The following BCL2 variants were observed in gnomAD, a reference collection of about 807,000 sequenced individuals.
BCL2 encodes BCL2 apoptosis regulator.
Under a neutral mutation model 14.2 loss-of-function variants are expected in BCL2, and 1 was observed. The ratio of observed to expected loss-of-function variants is 0.07; its 90% CI spans 0.02 to 0.33. BCL2 has a LOEUF of 0.33. BCL2 is among the 10% of genes least tolerant of loss of function. The pLI is 0.99. For missense variants in BCL2, 247 were observed against 305.9 expected (o/e 0.81, Z 1.44); for synonymous variants, 151 against 137.2 (o/e 1.10, Z -0.70).
Position 63,149,046 on chromosome 18 carries a change from C to T in BCL2, c.586-20287G>A, listed in dbSNP as rs1405317769. On this transcript the variant is annotated intron_variant, in intron 2 of 2. Transcript: ENST00000333681. The surrounding 1 kb of genome is among the most constrained non-coding windows in gnomAD (Gnocchi z 4.2). ...ACGGGCCTGCCCAGAGCCACGAAGTCATAAGTGTGCATGGAGCAGCGACGT... is the reference window on the plus strand; with the variant it reads ...ACGGGCCTGCCCAGAGCCACGAAGTTATAAGTGTGCATGGAGCAGCGACGT... Among the ~76,000 whole-genome samples the T allele has an allele frequency of 6.6e-6, 1 of 152,190 alleles. No homozygotes were observed. The highest frequency in any genetic ancestry group is 1.5e-5 in the Non-Finnish European group (1 of 68,038).
chr18:63,129,805 C>A (rs566449459), intron 2 of BCL2, among the ~76,000 whole-genome samples: 5 of 152,126 alleles, frequency 3.3e-5, no homozygotes, highest in Non-Finnish European at 5.9e-5. Context: ...GGGCCAAGGG[C>A]GGCCTTGACT....
intron 2 of BCL2, among the ~76,000 whole-genome samples, chr18:63,182,347 G>A (rs1016664069): frequency 4.6e-5 from 7 of 152,180 alleles, no homozygotes; most frequent in Admixed American, 3.3e-4. Context: ...ACCAGCCCAC[G>A]GTTTGAAACA....
intron 2 of BCL2, among the ~76,000 whole-genome samples, chr18:63,304,076 C>G (rs1265071439): frequency 6.6e-6 from 1 of 152,094 alleles, no homozygotes; most frequent in African/African-American, 2.4e-5. Flanking sequence ...TCTCAAAGAC[C>G]AAGGAAGAAG....
intron 2 of BCL2, among the ~76,000 whole-genome samples, chr18:63,223,067 T>C (rs1183546757): frequency 6.6e-6 from 1 of 152,182 alleles, no homozygotes; most frequent in Non-Finnish European, 1.5e-5. Context: ...ATAGCACCGG[T>C]GACCTCTGGA....
intron 2 of BCL2, among the ~76,000 whole-genome samples, chr18:63,163,544 C>G (rs1039138767): frequency 3.9e-5 from 6 of 152,068 alleles, no homozygotes; most frequent in Admixed American, 6.6e-5. Context: ...TCTTACTAAA[C>G]TTTTGGCCAG....
At chr18:63,201,524 A>T (rs1295945385) in intron 2 of BCL2, among the ~76,000 whole-genome samples, 1 of 152,214 alleles carries the variant, frequency 6.6e-6, no homozygotes, top group Non-Finnish European at 1.5e-5. Flanking sequence ...GGATTTATGC[A>T]CATGTATGTT....
At chr18:63,169,381 T>TTCTTTCTTTCTC (rs1915162176) in intron 2 of BCL2, among the ~76,000 whole-genome samples, 1 of 118,846 alleles carries the variant, frequency 8.4e-6, no homozygotes, top group Non-Finnish European at 1.6e-5. Context: ...CTTTCTTTCT[T>TTCTTTCTTTCTC]TCTTTCTTTT....
intron 2 of BCL2, among the ~76,000 whole-genome samples, chr18:63,172,871 A>G (rs921931372): frequency 1.3e-5 from 2 of 152,248 alleles, no homozygotes; most frequent in African/African-American, 4.8e-5. Context: ...GAGATCATGA[A>G]GGCAGAAAAG....
At chr18:63,273,287 G>A (rs1438968930) in intron 2 of BCL2, among the ~76,000 whole-genome samples, 1 of 152,146 alleles carries the variant, frequency 6.6e-6, no homozygotes, top group Non-Finnish European at 1.5e-5. Context: ...ATCAGAGCTG[G>A]GGCTTTGCCT....
chr18:63,211,779 A>G (rs894407825), intron 2 of BCL2, among the ~76,000 whole-genome samples: 6 of 152,268 alleles, frequency 3.9e-5, no homozygotes, highest in Admixed American at 6.5e-5. Flanking sequence ...CACCACAGCT[A>G]ACGCCAGTGC....
At chr18:63,255,721 C>G (rs559398701) in intron 2 of BCL2, among the ~76,000 whole-genome samples, 13 of 152,214 alleles carry the variant, frequency 8.5e-5, no homozygotes, top group Admixed American at 2.6e-4. Flanking sequence ...CTAAATGCCT[C>G]TCAGGGATGT....
intron 2 of BCL2, among the ~76,000 whole-genome samples, chr18:63,209,015 G>A (rs553992927): frequency 6.6e-6 from 1 of 152,348 alleles, no homozygotes; most frequent in Non-Finnish European, 1.5e-5. Context: ...TCAGCTCAGA[G>A]CCAGTCACCA....
chr18:63,245,395 T>TG (rs1187622697), intron 2 of BCL2, among the ~76,000 whole-genome samples: 1 of 55,512 alleles, frequency 1.8e-5, no homozygotes, highest in Non-Finnish European at 8.0e-5. Flanking sequence ...TGCCAATACA[T>TG]TTCAACCAAT....
chr18:63,292,121 C>T (rs1259835727), intron 2 of BCL2, among the ~76,000 whole-genome samples: 1 of 150,386 alleles, frequency 6.6e-6, no homozygotes, highest in Non-Finnish European at 1.5e-5. Context: ...GATAGGTTTG[C>T]ATGTTTCTAA....
At chr18:63,241,509 G>C (rs1181193522) in intron 2 of BCL2, among the ~76,000 whole-genome samples, 7 of 152,194 alleles carry the variant, frequency 4.6e-5, no homozygotes, top group Admixed American at 4.6e-4. Flanking sequence ...CAGAGTTACT[G>C]AGTGAAAGGT....
chr18:63,168,096 G>A (rs981974598), intron 2 of BCL2, among the ~76,000 whole-genome samples: 1 of 152,178 alleles, frequency 6.6e-6, no homozygotes. Flanking sequence ...GTTGCCATCT[G>A]GCTGGAATGG....
intron 2 of BCL2, among the ~76,000 whole-genome samples, chr18:63,192,587 T>C (rs1909318912): frequency 6.6e-6 from 1 of 152,162 alleles, no homozygotes; most frequent in African/African-American, 2.4e-5. Flanking sequence ...GTCTATCCCT[T>C]GGTGCCCCTC....
At chr18:63,317,529 C>G in intron 2 of BCL2, 1 of 983,198 alleles carries the variant, frequency 1.0e-6, no homozygotes, top group Non-Finnish European at 1.2e-6. Flanking sequence ...AAAAGACTTA[C>G]ATTGGTTTTC....
intron 2 of BCL2, among the ~76,000 whole-genome samples, chr18:63,266,977 A>C (rs1277567098): frequency 6.6e-6 from 1 of 152,222 alleles, no homozygotes; most frequent in African/African-American, 2.4e-5. Flanking sequence ...CAGATTAGAA[A>C]GCTCAGTAGG....
Sources: gnomAD v4.1 joint callset for allele counts (sites outside exome capture counted in the v4.1 genomes callset) on GRCh38, gnomAD v4.1.1 for gene constraint, Gnocchi (gnomAD v3.1) non-coding constraint, MANE v1.5 for transcripts, NCBI Gene and HGNC (gene_info 2026-07-23, HGNC 2026-07-21) for gene names.